Variants in UMAD1 observed in about 807,000 individuals in gnomAD.
The protein encoded by UMAD1 is UBAP1-MVB12-associated (UMA) domain containing 1, also known as UBAP1-MVB12-associated (UMA)-domain containing protein 1.
Under a neutral mutation model 6.1 loss-of-function variants are expected in UMAD1, and 8 were observed. The ratio of observed to expected loss-of-function variants is 1.30; its 90% CI spans 0.76 to 2.35. The LOEUF (loss-of-function observed/expected upper bound fraction) is 2.35, where lower values mean the gene tolerates loss of function less well. Ranked by LOEUF, UMAD1 falls within the 30% of genes most tolerant of loss-of-function variation. The probability of loss-of-function intolerance (pLI) is 0.00; values close to 1 mark genes in which losing one functional copy is unlikely to be tolerated. For missense variants in UMAD1, 130 were observed against 78.4 expected (o/e 1.66, Z -2.49); for synonymous variants, 56 against 31.4 (o/e 1.78, Z -2.61).
intron 2 of UMAD1, among the ~76,000 whole-genome samples, chr7:7,778,707 C>T (rs982490066): frequency 6.6e-6 from 1 of 152,162 alleles, no homozygotes; most frequent in African/African-American, 2.4e-5. Context: ...TGAGCCACCA[C>T]ACTCAGCCTA....
chr7:7,655,396 A>G (rs545876588), intron 1 of UMAD1, among the ~76,000 whole-genome samples: 127 of 152,344 alleles, frequency 8.3e-4, no homozygotes, highest in African/African-American at 2.9e-3. Flanking sequence ...ATGAGGATCA[A>G]GAAAAAATAA....
At chr7:7,648,993 A>G (rs545463663) in intron 1 of UMAD1, among the ~76,000 whole-genome samples, 151 of 152,180 alleles carry the variant, frequency 9.9e-4, no homozygotes, top group Non-Finnish European at 1.7e-3. Context: ...CCCTGTCTCT[A>G]CTAAAAGTAC....
rs1784949957 is a variant in UMAD1 at position 7,640,784 on chromosome 7, G to C, written c.-101G>C. On this transcript the variant is annotated 5_prime_UTR_variant, in exon 1 of 4. Transcript: ENST00000682710. ...CCCCGGAAGTGGGGTGTGAAGCTCCGGTGCTGGTGCGGCGGGGGACTGCGG... is the reference window on the plus strand; with the variant it reads ...CCCCGGAAGTGGGGTGTGAAGCTCCCGTGCTGGTGCGGCGGGGGACTGCGG... 1 of 216,996 alleles carries C rather than the reference G, an allele frequency of 4.6e-6. No individual in the cohort carries two copies. Among genetic ancestry groups the C allele is most frequent in the Non-Finnish European group, 9.4e-6 (1 of 106,436 alleles). The allele number at this position is 216,996 out of a possible 1,614,324, so 13.4% of individuals were successfully genotyped here.
intron 2 of UMAD1, among the ~76,000 whole-genome samples, chr7:7,704,216 G>C (rs1023243196): frequency 1.4e-4 from 21 of 152,016 alleles, no homozygotes; most frequent in African/African-American, 4.8e-4. Flanking sequence ...AAAATTATAA[G>C]GCTACTCTTT....
chr7:7,699,063 A>T (rs954352394), intron 2 of UMAD1, among the ~76,000 whole-genome samples: 2 of 150,844 alleles, frequency 1.3e-5, no homozygotes, highest in African/African-American at 4.9e-5. Flanking sequence ...GGGGGGGTAG[A>T]TACCAGGTTT....
intron 3 of UMAD1, among the ~76,000 whole-genome samples, chr7:7,805,853 A>G (rs1209792410): frequency 6.6e-6 from 1 of 152,156 alleles, no homozygotes; most frequent in Non-Finnish European, 1.5e-5. Flanking sequence ...AGTCACTGTC[A>G]CATAACTCTG....
chr7:7,763,374 C>T (rs547566471), intron 2 of UMAD1, among the ~76,000 whole-genome samples: 1 of 151,574 alleles, frequency 6.6e-6, no homozygotes, highest in African/African-American at 2.4e-5. Flanking sequence ...GGGTAGTGAC[C>T]CTAGTACTCA....
intron 3 of UMAD1, among the ~76,000 whole-genome samples, chr7:7,850,740 C>T (rs1005078831): frequency 6.6e-5 from 10 of 151,900 alleles, no homozygotes; most frequent in African/African-American, 2.2e-4. Context: ...TGATATTTTT[C>T]AATTAATTCA....
chr7:7,818,445 C>G (rs750612618), intron 3 of UMAD1, among the ~76,000 whole-genome samples: 1 of 152,032 alleles, frequency 6.6e-6, no homozygotes, highest in Non-Finnish European at 1.5e-5. Context: ...CAGTGAAATG[C>G]AAATCAAAAC....
chr7:7,691,263 A>G (rs1462445371), intron 2 of UMAD1, among the ~76,000 whole-genome samples: 1 of 152,218 alleles, frequency 6.6e-6, no homozygotes, highest in Non-Finnish European at 1.5e-5. Flanking sequence ...TGAGGAAAAA[A>G]TGGTTATTCA....
intron 2 of UMAD1, among the ~76,000 whole-genome samples, chr7:7,693,329 A>ATCTATCTG (rs1434091008): frequency 6.6e-6 from 1 of 151,990 alleles, no homozygotes; most frequent in Non-Finnish European, 1.5e-5. Flanking sequence ...CTATCTATCT[A>ATCTATCTG]TCTATCTACA....
At chr7:7,765,307 C>T (rs955850236) in intron 2 of UMAD1, among the ~76,000 whole-genome samples, 2 of 152,124 alleles carry the variant, frequency 1.3e-5, no homozygotes, top group African/African-American at 4.8e-5. Flanking sequence ...ACTCCTTTGG[C>T]TTCGAGTGCA....
At chr7:7,775,986 A>G (rs1280730455) in intron 2 of UMAD1, among the ~76,000 whole-genome samples, 2 of 152,202 alleles carry the variant, frequency 1.3e-5, no homozygotes, top group South Asian at 2.1e-4. Context: ...GTAGGTTGTG[A>G]TGATGCCTTC....
intron 3 of UMAD1, among the ~76,000 whole-genome samples, chr7:7,854,715 C>T (rs1783982374): frequency 6.6e-6 from 1 of 152,164 alleles, no homozygotes; most frequent in African/African-American, 2.4e-5. Flanking sequence ...ATCTCATGTC[C>T]TCACATTTCA....
intron 2 of UMAD1, among the ~76,000 whole-genome samples, chr7:7,675,393 A>G (rs1779713668): frequency 6.6e-6 from 1 of 152,054 alleles, no homozygotes; most frequent in Non-Finnish European, 1.5e-5. Context: ...TGCTGCTAAG[A>G]TCTCCTCCAA....
chr7:7,787,085 C>G (rs948533145), intron 2 of UMAD1, among the ~76,000 whole-genome samples: 7 of 152,082 alleles, frequency 4.6e-5, no homozygotes, highest in Non-Finnish European at 8.8e-5. Context: ...TAAACCTGCC[C>G]CCTAGAAAAC....
intron 2 of UMAD1, among the ~76,000 whole-genome samples, chr7:7,721,793 A>G (rs1781054611): frequency 6.6e-6 from 1 of 152,078 alleles, no homozygotes; most frequent in South Asian, 2.1e-4. Context: ...ACTTGATTGG[A>G]TTGAAGGATG....
At chr7:7,647,445 ATGTATTTTCCAGTTGT>A (rs562763085) in intron 1 of UMAD1, among the ~76,000 whole-genome samples, 22 of 152,316 alleles carry the variant, frequency 1.4e-4, no homozygotes, top group African/African-American at 5.3e-4. Flanking sequence ...TGGCAAAAAA[ATGTATTTTCCAGTTGT>A]TGGATCCAGT....
At chr7:7,757,918 A>G (rs1043506293) in intron 2 of UMAD1, among the ~76,000 whole-genome samples, 5 of 152,074 alleles carry the variant, frequency 3.3e-5, no homozygotes, top group African/African-American at 1.2e-4. Flanking sequence ...GTTTGATCCT[A>G]TCTTCTTATG....
Sources: allele counts gnomAD v4.1 joint callset (sites outside exome capture counted in the v4.1 genomes callset), GRCh38; gene constraint gnomAD v4.1.1; transcripts MANE v1.5; gene names NCBI Gene and HGNC (gene_info 2026-07-23, HGNC 2026-07-21).